RYR1: variants seen among roughly 807,000 people sequenced by gnomAD.
RYR1 encodes central core disease of muscle.
Under a neutral mutation model 583.5 loss-of-function variants are expected in RYR1, and 342 were observed. The observed-to-expected ratio is 0.59, with a 90% confidence interval of 0.54 to 0.64. The LOEUF is 0.64. RYR1 is among the 30% of genes least tolerant of loss of function. RYR1 has a pLI of 0.00. For synonymous variants in RYR1, 2,791 were observed against 2,822.5 expected (o/e 0.99, Z 0.35); for missense variants, 6,032 against 6,917.2 (o/e 0.87, Z 4.54).
Position 38,496,252 on chromosome 19 carries a change from A to C in RYR1, c.6586A>C (p.Asn2196His). 1.9e-6 allele frequency: 3 copies of C among 1,613,858 alleles called. No individual in the cohort carries two copies. Among genetic ancestry groups the C allele is most frequent in the Non-Finnish European group, 1.7e-6 (2 of 1,180,008 alleles). ...MNNKVFYQHPNLMRALGMHET... is the reference protein window; with the variant it reads ...MNNKVFYQHPHLMRALGMHET... The stretch of plus-strand genomic sequence containing the variant: ...CAACAAAGTCTTCTACCAACACCCG[A>C]ACCTGATGAGGGCGCTGGGCATGCA... Residue 2196 changes from asparagine to histidine, a missense_variant, in exon 40 of 106, where the codon AAC (asparagine) becomes CAC (histidine). Transcript: ENST00000359596. The surrounding 1 kb of genome is among the most constrained non-coding windows in gnomAD (Gnocchi z 4.8).
Position 38,469,007 on chromosome 19 carries a change from C to T in RYR1, c.3423C>T (p.Pro1141=). 6.2e-7 allele frequency: 1 copy of T among 1,614,182 alleles called. No homozygotes were observed. The highest frequency in any genetic ancestry group is 1.1e-5 in the South Asian group (1 of 91,084). The part of the protein sequence containing the change: ...WHLGSEPFGR[P]WQPGDVVGCM... ...TGGGCAGTGAACCATTTGGGCGCCC[C>T]TGGCAGCCGGGCGATGTCGTTGGCT... Residue 1141 remains proline, a synonymous_variant, in exon 26 of 106, where the codon CCC becomes CCT. Transcript: ENST00000359596.
At chr19:38,439,001 C>T (rs545418889) in intron 1 of RYR1, among the ~76,000 whole-genome samples, 8 of 151,970 alleles carry the variant, frequency 5.3e-5, no homozygotes, top group South Asian at 2.1e-4. Flanking sequence ...TGTGAACCAC[C>T]GCGTCCAGCC....
Position 38,460,483 on chromosome 19 carries a change from A to C in RYR1, c.2469A>C (p.Glu823Asp), listed in dbSNP as rs750074017. The change falls in exon 20 of 106, where the codon GAA (glutamate) becomes GAC (aspartate). Residue 823 changes from glutamate to aspartate, a missense_variant. Around this residue, in one of 11 missense-constraint regions of RYR1, gnomAD observed 2,627 missense variants for 2,961.3 expected, o/e 0.89. Coordinates refer to ENST00000359596, the MANE Select transcript of RYR1 (RefSeq NM_000540.3). ...TCCCTCGAGAGCGACTCCATCTTGAACCCATCAAGGAGTATCGACGGGAGG... is the reference window on the plus strand; with the variant it reads ...TCCCTCGAGAGCGACTCCATCTTGACCCCATCAAGGAGTATCGACGGGAGG... The part of the protein sequence containing the change: ...AVLPRERLHL[E>D]PIKEYRREGP... 4 of 1,614,010 alleles carry C rather than the reference A, an allele frequency of 2.5e-6. No homozygotes were observed. In the South Asian group the frequency reaches 3.3e-5, roughly 13 times the overall value.
At chr19:38,529,192 A>T in intron 76 of RYR1, 135 bp downstream of exon 76, 2 of 880,446 alleles carry the variant, frequency 2.3e-6, no homozygotes, top group South Asian at 2.8e-5. Context: ...TTTAAATATC[A>T]CTTTGCTGGT....
intron 31 of RYR1, among the ~76,000 whole-genome samples, chr19:38,482,810 T>A (rs1331798731): frequency 6.6e-6 from 1 of 152,022 alleles, no homozygotes; most frequent in Non-Finnish European, 1.5e-5. Flanking sequence ...CGGGGTGTGA[T>A]GTGTGCAGAG....
intron 91 of RYR1, among the ~76,000 whole-genome samples, chr19:38,566,223 C>T (rs1008093156): frequency 2.0e-5 from 3 of 151,734 alleles, no homozygotes; most frequent in African/African-American, 4.8e-5. Flanking sequence ...CCGAGGCGGG[C>T]CGATCACCTG....
At chr19:38,491,766 C>T (rs1240223699) in intron 37 of RYR1, among the ~76,000 whole-genome samples, 2 of 152,094 alleles carry the variant, frequency 1.3e-5, no homozygotes, top group African/African-American at 4.8e-5. Context: ...GTTCTTCAGG[C>T]TAGACAATCT....
intron 105 of RYR1, 55 bp downstream of exon 105, chr19:38,586,631 A>G (rs1974502716): frequency 6.6e-7 from 1 of 1,517,362 alleles, no homozygotes; most frequent in Admixed American, 1.7e-5. Flanking sequence ...CTTTAACATA[A>G]GGCCAGTCAG....
At position 38,466,144 on chromosome 19, in the gene RYR1, G is replaced by A. The variant is rs778241277; in HGVS notation, c.2924G>A (p.Arg975Gln). 9 of 1,613,164 alleles carry A rather than the reference G, an allele frequency of 5.6e-6. No homozygotes were observed. The highest frequency in any genetic ancestry group is 1.6e-4 in the Middle Eastern group (1 of 6,082). The change falls in exon 24 of 106, where the codon CGG becomes CAG. Residue 975 changes from arginine (R) to glutamine (Q), a missense_variant. Around this residue, in one of 11 missense-constraint regions of RYR1, gnomAD observed 2,627 missense variants for 2,961.3 expected, o/e 0.89. Transcript: ENST00000359596. ...GCTCCGCTGGACCTGAGCCACGTGC[G>A]GCTGACGCCGGCGCAGACGACACTG... The part of the protein sequence containing the change: ...KPAPLDLSHV[R>Q]LTPAQTTLVD...
chr19:38,493,510 T>G (rs577740101), intron 38 of RYR1, among the ~76,000 whole-genome samples: 4 of 147,048 alleles, frequency 2.7e-5, no homozygotes, highest in South Asian at 4.2e-4. Flanking sequence ...TTTCTTTTTC[T>G]TTTTCGTTTT....
chr19:38,464,607 G>T, intron 22 of RYR1, 32 bp from the exon 23 acceptor site: 2 of 1,549,178 alleles, frequency 1.3e-6, no homozygotes, highest in Non-Finnish European at 1.8e-6. Flanking sequence ...TCTGAGGGGC[G>T]TGACCTGTCG....
intron 66 of RYR1, among the ~76,000 whole-genome samples, chr19:38,518,314 C>CT (rs1192297946): frequency 6.7e-6 from 1 of 149,622 alleles, no homozygotes; most frequent in African/African-American, 2.5e-5. Flanking sequence ...AATCCCAGCA[C>CT]TTTGAGAGGC....
chr19:38,566,762 A>T, intron 91 of RYR1, 149 bp from the exon 92 acceptor site: 1 of 1,449,682 alleles, frequency 6.9e-7, no homozygotes, highest in Non-Finnish European at 9.4e-7. Context: ...GTAAAACGGG[A>T]ATCATAATCT....
chr19:38,482,999 C>T, intron 31 of RYR1, 28 bp from the exon 32 acceptor site: 1 of 1,602,966 alleles, frequency 6.2e-7, no homozygotes, highest in Non-Finnish European at 8.5e-7. Context: ...CACCCGTTTG[C>T]TCACCTCGTC....
In RYR1 at chr19:38,433,692, C is replaced by T; in HGVS notation, c.-138C>T. The T allele has an allele frequency of 6.9e-6, 5 of 721,864 alleles. No homozygotes were observed. In the South Asian group the frequency reaches 7.4e-5, roughly 11 times the overall value. The allele number at this position is 721,864 out of a possible 1,614,324, so 44.7% of individuals were successfully genotyped here. A position where few individuals can be genotyped will look rare whatever the true frequency, so the allele number is the denominator to read the frequency against. ...CTGTCCAGCATGCGTGTACTCCTCG[C>T]AGTTCCATCTACCTCGCGGGTGCCT... On this transcript the variant is annotated 5_prime_UTR_variant, in exon 1 of 106. Transcript: ENST00000359596.
Position 38,499,599 on chromosome 19 carries a change from G to A in RYR1, c.7028-36G>A. 6.3e-7 allele frequency: 1 copy of A among 1,593,888 alleles called. No homozygotes were observed. Among genetic ancestry groups the A allele is most frequent in the Non-Finnish European group, 8.5e-7 (1 of 1,177,598 alleles). ...CTGCATGGGGAGGTCTCTGATGGTG[G>A]CTCATGAGACCCCCTTTCCCCATGC... On this transcript the variant is annotated intron_variant, in intron 43 of 105. Coordinates refer to ENST00000359596, the MANE Select transcript of RYR1 (RefSeq NM_000540.3). This position sits in a 1 kb window ranked among gnomAD's most constrained non-coding sequence, Gnocchi z 7.3.
In RYR1 at chr19:38,444,515, G is replaced by T; in HGVS notation, c.538-69G>T. The stretch of plus-strand genomic sequence containing the variant: ...TCCGGGTATCCACCCTTGATTTCTG[G>T]CCTCTGACGCTGGGACTCTCGCCCA... On this transcript the variant is annotated intron_variant, in intron 6 of 105. Transcript: ENST00000359596. The surrounding 1 kb of genome is among the most constrained non-coding windows in gnomAD (Gnocchi z 5.1). The T allele has an allele frequency of 7.4e-7, 1 of 1,353,944 alleles. No individual in the cohort carries two copies. Among genetic ancestry groups the T allele is most frequent in the East Asian group, 2.4e-5 (1 of 41,558 alleles). 83.9% of individuals were successfully genotyped at this position (1,353,944 alleles called of 1,614,324 possible).
rs990397545 is a variant in RYR1 at position 38,489,300 on chromosome 19, G to A, written c.5671G>A (p.Glu1891Lys). Reference protein sequence around the residue: ...EEEGEEEDEEEKEEDEEETAQ... With the variant: ...EEEGEEEDEEKKEEDEEETAQ... ...AGAGGGTGAAGAGGAAGATGAGGAG[G>A]AGAAGGAGGAGGATGAGGAGGAAAC... is the stretch of plus-strand genomic sequence containing the variant. The change falls in exon 35 of 106, where the codon GAG becomes AAG. Residue 1891 changes from glutamate to lysine, a missense_variant. Glu to Lys is a moderately conservative substitution (Grantham distance 56). Coordinates refer to ENST00000359596, the MANE Select transcript of RYR1 (RefSeq NM_000540.3). The A allele has an allele frequency of 1.1e-5, 17 of 1,603,370 alleles. No homozygotes were observed. The highest frequency in any genetic ancestry group is 9.4e-5 in the African/African-American group (7 of 74,676).
At chr19:38,439,281 C>A (rs1972565984) in intron 1 of RYR1, among the ~76,000 whole-genome samples, 1 of 151,650 alleles carries the variant, frequency 6.6e-6, no homozygotes, top group South Asian at 2.1e-4. Context: ...GTGGTAGCAA[C>A]CTCCACCTCC....
Sources: allele counts gnomAD v4.1 joint callset (sites outside exome capture counted in the v4.1 genomes callset), GRCh38; gene constraint gnomAD v4.1.1; regional missense constraint gnomAD v4.1.1; non-coding constraint Gnocchi (gnomAD v3.1); transcripts MANE v1.5; gene names NCBI Gene and HGNC (gene_info 2026-07-23, HGNC 2026-07-21).